The following KCNJ5 variants were observed in gnomAD, a reference collection of about 807,000 sequenced individuals.
KCNJ5 encodes G protein-activated inward rectifier potassium channel 4.
KCNJ5 carries 12 observed loss-of-function variants against 20.2 expected under a neutral mutation model. That is an observed-to-expected ratio of 0.59 (90% CI 0.38 to 0.96). KCNJ5 has a LOEUF of 0.96. Among genes scored for constraint, KCNJ5 ranks in the 40% least tolerant of loss-of-function variants. The pLI is 0.00. For synonymous variants in KCNJ5, 210 were observed against 213.9 expected (o/e 0.98, Z 0.16); for missense variants, 449 against 557.6 (o/e 0.81, Z 1.96).
intron 2 of KCNJ5, among the ~76,000 whole-genome samples, chr11:128,915,748 T>A (rs1216240950): frequency 1.3e-5 from 2 of 152,240 alleles, no homozygotes; most frequent in Admixed American, 1.3e-4. Context: ...AAATGCTTGA[T>A]GAGTGATTGG....
At chr11:128,892,140 G>A (rs1242935507) in intron 1 of KCNJ5, among the ~76,000 whole-genome samples, 3 of 152,220 alleles carry the variant, frequency 2.0e-5, no homozygotes, top group Admixed American at 2.0e-4. Flanking sequence ...TAGATCCCCA[G>A]CCTAATCTTG....
At chr11:128,896,155 C>T (rs188021375) in intron 1 of KCNJ5, among the ~76,000 whole-genome samples, 84 of 152,064 alleles carry the variant, frequency 5.5e-4, no homozygotes, top group African/African-American at 1.8e-3. Flanking sequence ...TCATAAATGC[C>T]GTTTAGTGTA....
At chr11:128,896,565 C>A (rs977398474) in intron 1 of KCNJ5, among the ~76,000 whole-genome samples, 3 of 151,996 alleles carry the variant, frequency 2.0e-5, no homozygotes, top group Non-Finnish European at 2.9e-5. Flanking sequence ...CAACAAAATT[C>A]TCTGGGGATT....
Position 128,904,722 on chromosome 11 carries a change from T to G in KCNJ5, c.-10-6542T>G, listed in dbSNP as rs76196461. ...CTTCTATCCCCAGAGCTCAACATAA[T>G]TCAAACACCCAGTGGGTGTTGAGTG... is the stretch of plus-strand genomic sequence containing the variant. On this transcript the variant is annotated intron_variant, in intron 1 of 2. Coordinates refer to ENST00000529694, the MANE Select transcript of KCNJ5 (RefSeq NM_000890.5). 9.3e-3 allele frequency: 5,517 copies of G among 590,094 alleles called. 184 individuals are homozygous for G. The highest frequency in any genetic ancestry group is 0.08 in the African/African-American group (4,284 of 53,552). 36.6% of individuals were successfully genotyped at this position (590,094 alleles called of 1,614,324 possible).
chr11:128,903,831 G>A (rs1271880662), intron 1 of KCNJ5, among the ~76,000 whole-genome samples: 3 of 152,124 alleles, frequency 2.0e-5, no homozygotes, highest in Non-Finnish European at 2.9e-5. Context: ...GAAGTGACCC[G>A]AGCTGCCGGG....
intron 1 of KCNJ5, among the ~76,000 whole-genome samples, chr11:128,904,899 G>C (rs992702098): frequency 6.6e-6 from 1 of 152,232 alleles, no homozygotes; most frequent in African/African-American, 2.4e-5. Flanking sequence ...ACAGACCTAA[G>C]TTGATAGAAC....
At position 128,913,628 on chromosome 11, in the gene KCNJ5, G is replaced by A. The variant is rs147231191; in HGVS notation, c.937+1418G>A. Among the ~76,000 whole-genome samples the A allele has an allele frequency of 8.2e-3, 1,235 of 151,162 alleles. 16 individuals carry two copies. Among genetic ancestry groups the A allele is most frequent in the African/African-American group, 0.029 (1,189 of 41,036 alleles). ...CAATGAGCAGCTGGTCAGGCCCTAAGGATGGGTTCTAGAAACTCAGTCACG... is the reference window on the plus strand; with the variant it reads ...CAATGAGCAGCTGGTCAGGCCCTAAAGATGGGTTCTAGAAACTCAGTCACG... On this transcript the variant is annotated intron_variant, in intron 2 of 2. Transcript: ENST00000529694.
In KCNJ5 at chr11:128,905,393, A is replaced by AG. The variant is rs535396633; in HGVS notation, c.-10-5867dup. On this transcript the variant is annotated intron_variant, in intron 1 of 2. Transcript: ENST00000529694. ...TGGGGGCTTCGTCCCCTGCGGGGTGAGGGGTCTCCCCTGTGTCACCCTCCG... is the reference window on the plus strand; with the variant it reads ...TGGGGGCTTCGTCCCCTGCGGGGTGAGGGGGTCTCCCCTGTGTCACCCTCCG... Among the ~76,000 whole-genome samples the AG allele has an allele frequency of 2.3e-3, 349 of 152,256 alleles. 2 individuals carry two copies. The highest frequency in any genetic ancestry group is 8.0e-3 in the African/African-American group (333 of 41,550).
chr11:128,904,814 T>C (rs1393774881), intron 1 of KCNJ5, among the ~76,000 whole-genome samples: 1 of 152,164 alleles, frequency 6.6e-6, no homozygotes, highest in African/African-American at 2.4e-5. Context: ...ATTTCACACC[T>C]ACTCCATCAT....
rs2136003912 is a variant in KCNJ5, at chr11:128,916,507, G to A, written c.1036G>A (p.Val346Met). The A allele has an allele frequency of 6.2e-7, 1 of 1,614,206 alleles. No homozygotes were observed. The highest frequency in any genetic ancestry group is 8.5e-7 in the Non-Finnish European group (1 of 1,180,040). ...VLTLEKGFYE[V>M]DYNTFHDTYE... is the part of the protein sequence containing the mutation. ...CACCTTGGAAAAGGGCTTCTATGAGGTGGACTACAACACCTTCCATGATAC... is the reference window on the plus strand; with the variant it reads ...CACCTTGGAAAAGGGCTTCTATGAGATGGACTACAACACCTTCCATGATAC... The change falls in exon 3 of 3, where the codon GTG becomes ATG. Residue 346 changes from valine (V) to methionine (M), a missense_variant. By Grantham distance (21) the Val-to-Met change is conservative. Around this residue, in one of 5 missense-constraint regions of KCNJ5, gnomAD observed 34 missense variants for 63.8 expected, o/e 0.53. Transcript: ENST00000529694.
chr11:128,903,325 T>C (rs1312593341), intron 1 of KCNJ5: 1 of 1,609,716 alleles, frequency 6.2e-7, no homozygotes, highest in Non-Finnish European at 8.5e-7. Flanking sequence ...GGATGTAGAG[T>C]GTGTCTGTGT....
chr11:128,908,105 C>T (rs1477820035), intron 1 of KCNJ5, among the ~76,000 whole-genome samples: 2 of 152,224 alleles, frequency 1.3e-5, no homozygotes, highest in Non-Finnish European at 2.9e-5. Context: ...CAGCTCAATG[C>T]TTGCCCTGCA....
At chr11:128,900,817 A>C (rs1944262203) in intron 1 of KCNJ5, 1 of 152,250 alleles carries the variant, frequency 6.6e-6, no homozygotes. Flanking sequence ...CAGGAGTTGA[A>C]AGAGCCCAAC....
At chr11:128,897,855 T>C (rs1232057298) in intron 1 of KCNJ5, among the ~76,000 whole-genome samples, 1 of 152,268 alleles carries the variant, frequency 6.6e-6, no homozygotes, top group Non-Finnish European at 1.5e-5. Flanking sequence ...AGGTTCTTTT[T>C]TTTGCCTAAA....
Position 128,919,576 on chromosome 11 carries a change from A to G in KCNJ5, c.*2845A>G, listed in dbSNP as rs149210907. On this transcript the variant is annotated 3_prime_UTR_variant, in exon 3 of 3. Transcript: ENST00000529694. Reference sequence around the variant, plus strand: ...GCAATGAAAGTTTGAAAAGTTCTTCATTTTCTAGAAGTTCTTGAATAAACA... The same window carrying G: ...GCAATGAAAGTTTGAAAAGTTCTTCGTTTTCTAGAAGTTCTTGAATAAACA... 1.2e-3 allele frequency: 186 copies of G among 152,340 alleles called. No homozygotes were observed. The highest frequency in any genetic ancestry group is 4.4e-3 in the African/African-American group (181 of 41,574). The allele number at this position is 152,340 out of a possible 1,614,324, so 9.4% of individuals were successfully genotyped here.
intron 1 of KCNJ5, among the ~76,000 whole-genome samples, chr11:128,895,547 T>A (rs1944163511): frequency 6.6e-6 from 1 of 152,228 alleles, no homozygotes; most frequent in African/African-American, 2.4e-5. Context: ...CATCACAGTA[T>A]GAAGGCTTCC....
Position 128,891,429 on chromosome 11 carries a change from CACACACACACACAGAGAGAG to C in KCNJ5, c.-301_-282del, listed in dbSNP as rs1196014890. The C allele has an allele frequency of 3.9e-5, 4 of 101,310 alleles. No homozygotes were observed. Among genetic ancestry groups the C allele is most frequent in the Non-Finnish European group, 5.9e-5 (3 of 50,980 alleles). 6.3% of individuals were successfully genotyped at this position (101,310 alleles called of 1,614,324 possible). ...ACACACACACACACACACACACACA[CACACACACACACAGAGAGAG>C]AGAGAGAGAGAGAGAGAGAGAGAGA... On this transcript the variant is annotated 5_prime_UTR_variant, in exon 1 of 3. Coordinates refer to ENST00000529694, the MANE Select transcript of KCNJ5 (RefSeq NM_000890.5).
At position 128,894,560 on chromosome 11, in the gene KCNJ5, GT is replaced by G. The variant is rs538675504; in HGVS notation, c.-11+2844del. ...CCACGAAGGAATCTTTCTGTGTTTT[GT>G]TTTTATTTTCTAAAGAAAAAAACAA... is the stretch of plus-strand genomic sequence containing the variant. On this transcript the variant is annotated intron_variant, in intron 1 of 2. Coordinates refer to ENST00000529694, the MANE Select transcript of KCNJ5 (RefSeq NM_000890.5). Among the ~76,000 whole-genome samples the G allele has an allele frequency of 4.1e-4, 62 of 152,270 alleles. No individual in the cohort carries two copies. In the South Asian group the frequency reaches 0.012, roughly 31 times the overall value.
chr11:128,914,819 G>T (rs149675284), intron 2 of KCNJ5, among the ~76,000 whole-genome samples: 1 of 152,352 alleles, frequency 6.6e-6, no homozygotes, highest in Non-Finnish European at 1.5e-5. Context: ...TGAGGAGCAG[G>T]AGGATCCCAA....
Sources: allele counts gnomAD v4.1 joint callset (sites outside exome capture counted in the v4.1 genomes callset), GRCh38; gene constraint gnomAD v4.1.1; regional missense constraint gnomAD v4.1.1; transcripts MANE v1.5; gene names NCBI Gene and HGNC (gene_info 2026-07-23, HGNC 2026-07-21).